ST6GAL2: variants seen among roughly 807,000 people sequenced by gnomAD.
ST6GAL2 encodes the protein ST6 beta-galactoside alpha-2,6-sialyltransferase 2.
ST6GAL2 carries 24 observed loss-of-function variants against 37.5 expected under a neutral mutation model. The observed-to-expected ratio is 0.64, with a 90% CI of 0.46 to 0.90. The LOEUF (loss-of-function observed/expected upper bound fraction) is 0.90, where lower values mean the gene tolerates loss of function less well. ST6GAL2 is among the 40% of genes least tolerant of loss of function. The pLI is 0.00. For missense variants in ST6GAL2, 715 were observed against 712.7 expected, an observed-to-expected ratio of 1.00 and a Z score of -0.04; for synonymous variants, 306 against 295.1, an observed-to-expected ratio of 1.04 and a Z score of -0.38.
intron 1 of ST6GAL2, among the ~76,000 whole-genome samples, chr2:106,882,547 G>A (rs938780111): frequency 2.6e-5 from 4 of 152,288 alleles, no homozygotes; most frequent in Middle Eastern, 3.4e-3. Flanking sequence ...GGCTGCACAG[G>A]AATTAGCTTT....
intron 2 of ST6GAL2, among the ~76,000 whole-genome samples, chr2:106,840,251 C>T (rs1004610818): frequency 1.3e-5 from 2 of 152,174 alleles, no homozygotes; most frequent in South Asian, 2.1e-4. Context: ...AGATGCTTAG[C>T]GGCCAACAAG....
At chr2:106,858,068 C>A (rs1248750926) in intron 1 of ST6GAL2, among the ~76,000 whole-genome samples, 3 of 152,230 alleles carry the variant, frequency 2.0e-5, no homozygotes, top group African/African-American at 7.2e-5. Flanking sequence ...GCCAGTGAGT[C>A]ACTGTTCCCT....
At position 106,804,560 on chromosome 2, in the gene ST6GAL2, C is replaced by G. The variant is rs1318339900; in HGVS notation, c.*2118G>C. Reference sequence around the variant, plus strand: ...TTTCAAGAAATTAGAAAGGAATGACCGGGCGCGGTGGTGGCTCACGCCTAT... The same window carrying G: ...TTTCAAGAAATTAGAAAGGAATGACGGGGCGCGGTGGTGGCTCACGCCTAT... On this transcript the variant is annotated 3_prime_UTR_variant, in exon 6 of 6. Transcript: ENST00000409382. 6.6e-6 allele frequency: 1 copy of G among 152,006 alleles called. No homozygotes were observed. Among genetic ancestry groups the G allele is most frequent in the Non-Finnish European group, 1.5e-5 (1 of 68,024 alleles). 9.4% of individuals were successfully genotyped at this position (152,006 alleles called of 1,614,324 possible).
intron 5 of ST6GAL2, among the ~76,000 whole-genome samples, chr2:106,815,813 T>G (rs1212423809): frequency 6.6e-6 from 1 of 152,210 alleles, no homozygotes; most frequent in Non-Finnish European, 1.5e-5. Flanking sequence ...TTAGCCACAG[T>G]GCACACATAA....
At chr2:106,809,640 T>C (rs1294762511) in intron 5 of ST6GAL2, among the ~76,000 whole-genome samples, 2 of 152,216 alleles carry the variant, frequency 1.3e-5, no homozygotes, top group African/African-American at 4.8e-5. Context: ...CTGGGACTTG[T>C]CTTCATTTCC....
At chr2:106,823,442 AACACACACACAC>A (rs60795605) in intron 5 of ST6GAL2, among the ~76,000 whole-genome samples, 9 of 101,598 alleles carry the variant, frequency 8.9e-5, no homozygotes, top group African/African-American at 3.0e-4. Context: ...CCCAGCAGAA[AACACACACACAC>A]ACACACACAC....
Position 106,843,073 on chromosome 2 carries a change from G to A in ST6GAL2, c.905C>T (p.Ala302Val). The change falls in exon 2 of 6, where the codon GCA becomes GTA. Residue 302 changes from alanine (A) to valine (V), a missense_variant. Around this residue, in one of 3 missense-constraint regions of ST6GAL2, gnomAD observed 512 missense variants for 488.8 expected, o/e 1.05. Coordinates refer to ENST00000409382, the MANE Select transcript of ST6GAL2 (RefSeq NM_001142351.2). ...GLRSCAVVMS[A>V]GAILNSSLGE... ...CAAGGAAGAGTTGAGGATTGCGCCTGCAGACATGACGACAGCGCAGCTGCG... is the reference window on the plus strand; with the variant it reads ...CAAGGAAGAGTTGAGGATTGCGCCTACAGACATGACGACAGCGCAGCTGCG... 4.0e-6 allele frequency: 6 copies of A among 1,489,068 alleles called. No individual in the cohort carries two copies. Among genetic ancestry groups the A allele is most frequent in the Non-Finnish European group, 4.5e-6 (5 of 1,122,090 alleles). The allele number at this position is 1,489,068 out of a possible 1,614,324, so 92.2% of individuals were successfully genotyped here. A position where few individuals can be genotyped will look rare whatever the true frequency, so the allele number is the denominator to read the frequency against.
chr2:106,864,410 G>A (rs186404656), intron 1 of ST6GAL2, among the ~76,000 whole-genome samples: 5 of 152,248 alleles, frequency 3.3e-5, no homozygotes, highest in East Asian at 1.9e-4. Flanking sequence ...TACTTTCAGC[G>A]TGTGATGTAC....
At chr2:106,874,794 A>G (rs1049863803) in intron 1 of ST6GAL2, among the ~76,000 whole-genome samples, 5 of 152,214 alleles carry the variant, frequency 3.3e-5, no homozygotes, top group Admixed American at 1.3e-4. Context: ...CATGAAGCAT[A>G]AACACATATT....
chr2:106,808,951 G>A (rs1675515896), intron 5 of ST6GAL2, among the ~76,000 whole-genome samples: 1 of 152,190 alleles, frequency 6.6e-6, no homozygotes, highest in Non-Finnish European at 1.5e-5. Context: ...AGGATGCAGT[G>A]AGCCAAGATT....
At chr2:106,865,718 T>C (rs1054679438) in intron 1 of ST6GAL2, among the ~76,000 whole-genome samples, 1 of 152,312 alleles carries the variant, frequency 6.6e-6, no homozygotes, top group African/African-American at 2.4e-5. Context: ...ACTCTCACTT[T>C]AGACACAAGG....
intron 2 of ST6GAL2, among the ~76,000 whole-genome samples, chr2:106,838,971 G>C (rs979511686): frequency 1.3e-5 from 2 of 152,080 alleles, no homozygotes; most frequent in Non-Finnish European, 2.9e-5. Flanking sequence ...GGGAAGTGGA[G>C]GTTGCAGTGA....
chr2:106,827,911 G>T (rs1676268846), intron 5 of ST6GAL2, among the ~76,000 whole-genome samples: 1 of 152,128 alleles, frequency 6.6e-6, no homozygotes, highest in Non-Finnish European at 1.5e-5. Flanking sequence ...CTTGCCCAAG[G>T]TCAGAAAGCT....
upstream of ST6GAL2, chr2:106,886,500 C>T (rs1342814930): frequency 1.3e-5 from 2 of 151,918 alleles, no homozygotes; most frequent in African/African-American, 2.4e-5. Flanking sequence ...GGTGGCTCGG[C>T]CTCAAAGCCG....
At chr2:106,885,225 G>C (rs1401857080) in intron 1 of ST6GAL2, among the ~76,000 whole-genome samples, 1 of 151,852 alleles carries the variant, frequency 6.6e-6, no homozygotes, top group African/African-American at 2.4e-5. Context: ...TTTATGGTCA[G>C]AACGGCAGTG....
rs148608067 is a variant in ST6GAL2 at position 106,805,433 on chromosome 2, A to G, written c.*1245T>C. On this transcript the variant is annotated 3_prime_UTR_variant, in exon 6 of 6. Coordinates refer to ENST00000409382, the MANE Select transcript of ST6GAL2 (RefSeq NM_001142351.2). ...AAAATCAACCCTGAATATAGCTAAC[A>G]TATTGGGATGAAAATTTCCCTCTAG... 1 of 152,342 alleles carries G rather than the reference A, an allele frequency of 6.6e-6. No homozygotes were observed. Among genetic ancestry groups the G allele is most frequent in the Admixed American group, 6.5e-5 (1 of 15,302 alleles). 9.4% of individuals were successfully genotyped at this position (152,342 alleles called of 1,614,324 possible).
chr2:106,823,501 A>ATC (rs1490456772), intron 5 of ST6GAL2, among the ~76,000 whole-genome samples: 1 of 117,654 alleles, frequency 8.5e-6, no homozygotes, highest in East Asian at 2.3e-4. Context: ...AGAGAGAGAG[A>ATC]GAGATCGAGA....
rs1460790207 is a variant in ST6GAL2 at position 106,842,697 on chromosome 2, G to A, written c.943+338C>T. The stretch of plus-strand genomic sequence containing the variant: ...GACTGCGGTTTCTATGGGATACGAA[G>A]TCTGAACAGTGAGAAGGACGCCGGG... On this transcript the variant is annotated intron_variant, in intron 2 of 5. Transcript: ENST00000409382. 2.0e-5 allele frequency among the ~76,000 whole-genome samples: 3 copies of A among 152,156 alleles called. No individual in the cohort carries two copies. The East Asian group carries it at 5.8e-4, about 30-fold the overall frequency.
chr2:106,858,132 G>A (rs1677653814), intron 1 of ST6GAL2, among the ~76,000 whole-genome samples: 2 of 152,172 alleles, frequency 1.3e-5, no homozygotes, highest in African/African-American at 4.8e-5. Flanking sequence ...GTACACATGA[G>A]CACAGAACTG....
Sources: allele counts gnomAD v4.1 joint callset (sites outside exome capture counted in the v4.1 genomes callset), GRCh38; gene constraint gnomAD v4.1.1; regional missense constraint gnomAD v4.1.1; transcripts MANE v1.5; gene names NCBI Gene and HGNC (gene_info 2026-07-23, HGNC 2026-07-21).